The following CACNA2D1 variants were observed in gnomAD, a reference collection of about 807,000 sequenced individuals.
The protein encoded by CACNA2D1 is voltage-dependent calcium channel subunit alpha-2/delta-1.
A neutral mutation model predicts 171.5 loss-of-function variants in CACNA2D1; 53 were observed. The ratio of observed to expected loss-of-function variants is 0.31; its 90% confidence interval spans 0.25 to 0.39. The LOEUF is 0.39. CACNA2D1 is among the 10% of genes least tolerant of loss of function. CACNA2D1 has a pLI of 1.00. For synonymous variants in CACNA2D1, 442 were observed against 443.1 expected, an observed-to-expected ratio of 1.00 and a Z score of 0.03; for missense variants, 903 against 1,299.8, an observed-to-expected ratio of 0.69 and a Z score of 4.69.
chr7:82,313,684 G>C (rs1275036780), intron 3 of CACNA2D1, among the ~76,000 whole-genome samples: 1 of 152,148 alleles, frequency 6.6e-6, no homozygotes, highest in Admixed American at 6.6e-5. Flanking sequence ...CTCTGCACAT[G>C]TGTGCATGTT....
chr7:82,012,245 T>G lies in CACNA2D1; in HGVS notation c.1273-2A>C, dbSNP rs1799869347. ...TCTTCCCAAAACATCCAAATATTCC[T>G]GTTTATGGGAAAAAAAAAAAAAGTC... On this transcript the variant is annotated splice_acceptor_variant, in intron 14 of 38. Coordinates refer to ENST00000356860, the MANE Select transcript of CACNA2D1 (RefSeq NM_000722.4). LOFTEE classifies it high-confidence loss of function. 1.9e-6 allele frequency: 3 copies of G among 1,547,600 alleles called. No individual in the cohort carries two copies. Among genetic ancestry groups the G allele is most frequent in the East Asian group, 2.3e-5 (1 of 44,118 alleles).
At chr7:82,120,391 A>C (rs1030845108) in intron 5 of CACNA2D1, among the ~76,000 whole-genome samples, 1 of 152,172 alleles carries the variant, frequency 6.6e-6, no homozygotes, top group Non-Finnish European at 1.5e-5. Context: ...TGATTTTAGA[A>C]TTTTTTAAAG....
rs577461667 is a variant in CACNA2D1, at chr7:82,386,374, G to A, written c.96-36725C>T. Among the ~76,000 whole-genome samples, 3 of 152,044 alleles carry A rather than the reference G, an allele frequency of 2.0e-5. No individual in the cohort carries two copies. The East Asian group carries it at 5.8e-4, about 29-fold the overall frequency. Reference sequence around the variant, plus strand: ...GAATACATTTGCACATGAGATTGAGGGGAAAAATTAGTTTTTGTTTCAAAA... The same window carrying A: ...GAATACATTTGCACATGAGATTGAGAGGAAAAATTAGTTTTTGTTTCAAAA... On this transcript the variant is annotated intron_variant, in intron 1 of 38. Coordinates refer to ENST00000356860, the MANE Select transcript of CACNA2D1 (RefSeq NM_000722.4).
At chr7:82,394,155 G>A (rs1825517028) in intron 1 of CACNA2D1, among the ~76,000 whole-genome samples, 2 of 152,234 alleles carry the variant, frequency 1.3e-5, no homozygotes, top group East Asian at 3.9e-4. Context: ...AAATGGAGGG[G>A]GAGGGGTCAA....
In CACNA2D1 at chr7:82,053,829, G is replaced by A. The variant is rs150130562; in HGVS notation, c.879+6599C>T. ...TGAGGTGCATACTTCCAGGTGAAAT[G>A]TATTCCCAGTTTTTCCTACGAGTAA... On this transcript the variant is annotated intron_variant, in intron 10 of 38. Transcript: ENST00000356860. 8.2e-3 allele frequency among the ~76,000 whole-genome samples: 1,251 copies of A among 152,250 alleles called. 8 individuals are homozygous for A. Among genetic ancestry groups the A allele is most frequent in the Non-Finnish European group, 0.012 (815 of 68,008 alleles).
chr7:82,311,050 T>C (rs540340245), intron 3 of CACNA2D1, among the ~76,000 whole-genome samples: 42 of 152,242 alleles, frequency 2.8e-4, no homozygotes, highest in Middle Eastern at 3.4e-3. Context: ...CTTTGAGTTA[T>C]ATGTGTATAA....
At position 82,198,488 on chromosome 7, in the gene CACNA2D1, T is replaced by A. The variant is rs180854931; in HGVS notation, c.295-27879A>T. Among the ~76,000 whole-genome samples the A allele has an allele frequency of 3.2e-4, 48 of 152,176 alleles. 1 individual carries two copies. In the South Asian group the frequency reaches 9.1e-3, roughly 29 times the overall value. On this transcript the variant is annotated intron_variant, in intron 3 of 38. Transcript: ENST00000356860. ...CTAAGAGAGTTTCCAAATATTAACA[T>A]CGTGATACCATGCTGGGATCCCACA... is the stretch of plus-strand genomic sequence containing the variant.
chr7:82,335,308 G>T, intron 2 of CACNA2D1, 57 bp from the exon 3 acceptor site: 1 of 966,398 alleles, frequency 1.0e-6, no homozygotes, highest in Non-Finnish European at 1.7e-6. Flanking sequence ...TGGCTTACAA[G>T]TTCCCATTGG....
At chr7:82,081,619 G>T (rs773943122) in intron 7 of CACNA2D1, among the ~76,000 whole-genome samples, 1 of 152,188 alleles carries the variant, frequency 6.6e-6, no homozygotes, top group Non-Finnish European at 1.5e-5. Flanking sequence ...TAGGTATTGT[G>T]AGTGGGCACA....
At chr7:82,368,482 G>A (rs544937686) in intron 1 of CACNA2D1, among the ~76,000 whole-genome samples, 1 of 152,240 alleles carries the variant, frequency 6.6e-6, no homozygotes, top group East Asian at 1.9e-4. Context: ...GGAAAATAGA[G>A]TATCTGCATT....
In CACNA2D1 at chr7:82,186,231, G is replaced by GAAGGAAGGAAGA. The variant is rs1797740934; in HGVS notation, c.295-15623_295-15622insTCTTCCTTCCTT. Reference sequence around the variant, plus strand: ...AGGGAGGGAGGGAAAGAGAGAGAGAGAAGGAAGGAAGGAAGGAAGGAAGAA... The same window carrying GAAGGAAGGAAGA: ...AGGGAGGGAGGGAAAGAGAGAGAGAGAAGGAAGGAAGAAAGGAAGGAAGGAAGGAAGGAAGAA... On this transcript the variant is annotated intron_variant, in intron 3 of 38. Transcript: ENST00000356860. 2.1e-4 allele frequency among the ~76,000 whole-genome samples: 18 copies of GAAGGAAGGAAGA among 86,446 alleles called. No individual in the cohort carries two copies. In the Admixed American group the frequency reaches 2.5e-3, roughly 12 times the overall value. 56.7% of individuals were successfully genotyped at this position (86,446 alleles called of 152,430 possible). A position where few individuals can be genotyped will look rare whatever the true frequency, so the allele number is the denominator to read the frequency against.
chr7:81,969,343 C>T (rs911476640), intron 28 of CACNA2D1, among the ~76,000 whole-genome samples: 7 of 151,318 alleles, frequency 4.6e-5, no homozygotes, highest in Admixed American at 4.0e-4. Flanking sequence ...TTTTATAAGA[C>T]GTATGTCACT....
At chr7:82,284,010 T>C (rs754710577) in intron 3 of CACNA2D1, among the ~76,000 whole-genome samples, 5 of 151,776 alleles carry the variant, frequency 3.3e-5, no homozygotes, top group Non-Finnish European at 4.4e-5. Context: ...TTAGAGATGG[T>C]CTGTTTAAGC....
At chr7:82,311,939 C>T (rs1814518360) in intron 3 of CACNA2D1, among the ~76,000 whole-genome samples, 1 of 152,012 alleles carries the variant, frequency 6.6e-6, no homozygotes, top group South Asian at 2.1e-4. Context: ...TGACAGGCCC[C>T]CAAGAACCTC....
intron 24 of CACNA2D1, among the ~76,000 whole-genome samples, chr7:81,975,865 G>C: frequency 6.6e-6 from 1 of 151,998 alleles, no homozygotes; most frequent in Non-Finnish European, 1.5e-5. Context: ...GTCATTGGCA[G>C]CAAATACTCT....
At chr7:82,020,948 A>G (rs1801122480) in intron 12 of CACNA2D1, 1 of 152,166 alleles carries the variant, frequency 6.6e-6, no homozygotes, top group South Asian at 2.1e-4. Context: ...AGTTTTGCAC[A>G]CACATTCACA....
intron 3 of CACNA2D1, among the ~76,000 whole-genome samples, chr7:82,273,948 T>G (rs145169007): frequency 6.6e-6 from 1 of 152,302 alleles, no homozygotes; most frequent in East Asian, 1.9e-4. Context: ...GAGAATGTAA[T>G]TTTTCTACTG....
At chr7:82,431,765 C>A (rs372735308) in intron 1 of CACNA2D1, among the ~76,000 whole-genome samples, 1 of 145,908 alleles carries the variant, frequency 6.9e-6, no homozygotes, top group African/African-American at 2.6e-5. Context: ...TGAGGCCAGG[C>A]GCAGTGGCTC....
At chr7:82,372,763 TG>T (rs1379410554) in intron 1 of CACNA2D1, among the ~76,000 whole-genome samples, 1 of 152,126 alleles carries the variant, frequency 6.6e-6, no homozygotes, top group African/African-American at 2.4e-5. Context: ...TTGAAGGACT[TG>T]CAAAGAATCT....
Sources: allele counts gnomAD v4.1 joint callset (sites outside exome capture counted in the v4.1 genomes callset), GRCh38; gene constraint gnomAD v4.1.1; transcripts MANE v1.5; gene names NCBI Gene and HGNC (gene_info 2026-07-23, HGNC 2026-07-21).